PRAMEF11: variants seen among roughly 807,000 people sequenced by gnomAD.
PRAMEF11 encodes the protein PRAME family member 11.
A neutral mutation model predicts 33.6 loss-of-function variants in PRAMEF11; 17 were observed. The ratio of observed to expected loss-of-function variants is 0.51; its 90% confidence interval spans 0.35 to 0.76. PRAMEF11 has a LOEUF of 0.76. Among genes scored for constraint, PRAMEF11 ranks in the 30% least tolerant of loss-of-function variants. PRAMEF11 has a pLI of 0.01. For synonymous variants in PRAMEF11, 205 were observed against 227.3 expected, an observed-to-expected ratio of 0.90 and a Z score of 0.88; for missense variants, 568 against 567.0, an observed-to-expected ratio of 1.00 and a Z score of -0.02.
In PRAMEF11 at chr1:12,828,691, C is replaced by G; in HGVS notation, c.99G>C (p.Leu33=). 6.2e-7 allele frequency: 1 copy of G among 1,610,490 alleles called. No individual in the cohort carries two copies. Among genetic ancestry groups the G allele is most frequent in the East Asian group, 2.2e-5 (1 of 44,460 alleles). ...QALAVSTLEE[L]PTELFPPLFM... The stretch of plus-strand genomic sequence containing the variant: ...ACAGTGGGGGGAAAAGTTCCGTGGG[C>G]AGCTCCTCCAGGGTGGAGACGGCCA... Residue 33 remains leucine, a synonymous_variant, in exon 2 of 4, where the codon CTG becomes CTC. Coordinates refer to ENST00000619922, the MANE Select transcript of PRAMEF11 (RefSeq NM_001146344.3).
At chr1:12,825,788 A>T (rs1413709426) in intron 3 of PRAMEF11, among the ~76,000 whole-genome samples, 1 of 150,018 alleles carries the variant, frequency 6.7e-6, no homozygotes, top group Non-Finnish European at 1.5e-5. Context: ...AGCCTGCTGA[A>T]CATGGCAAAA....
chr1:12,827,653 G>C lies in PRAMEF11; in HGVS notation c.471C>G (p.Leu157=), dbSNP rs903517417. The C allele has an allele frequency of 3.1e-6, 5 of 1,609,540 alleles. No homozygotes were observed. In the African/African-American group the frequency reaches 5.4e-5, roughly 17 times the overall value. The change falls in exon 3 of 4, where the codon CTC becomes CTG. Residue 157 remains leucine, a synonymous_variant. Transcript: ENST00000619922. ...QPLTVFVELW[L]KNRTLDEYLT... ...GGTATTCATCCAGAGTCCTGTTCTT[G>C]AGCCAAAGTTCTACAAACACAGTCA... is the stretch of plus-strand genomic sequence containing the variant.
chr1:12,828,448 T>A (rs1231569923), intron 2 of PRAMEF11, 49 bp downstream of exon 2: 1 of 1,563,466 alleles, frequency 6.4e-7, no homozygotes, highest in Admixed American at 1.8e-5. Context: ...AGCTGTTCCT[T>A]CAGTTGGACA....
rs1430107159 is a variant in PRAMEF11, at chr1:12,828,499, G to A, written c.291C>T (p.Pro97=). Reference sequence around the variant, plus strand: ...CCAGCCCACCTGGGCCACCTCACCTGGGACGAACCCCTTGGGTAAGCAGTG... The same window carrying A: ...CCAGCCCACCTGGGCCACCTCACCTAGGACGAACCCCTTGGGTAAGCAGTG... The part of the protein sequence containing the change: ...LDALLTQGVR[P]RRWKLQVLDL... Residue 97 remains proline (P), a splice_region_variant and synonymous_variant, in exon 2 of 4, where the codon CCC becomes CCT. Coordinates refer to ENST00000619922, the MANE Select transcript of PRAMEF11 (RefSeq NM_001146344.3). 6 of 1,597,766 alleles carry A rather than the reference G, an allele frequency of 3.8e-6. No individual in the cohort carries two copies. Among genetic ancestry groups the A allele is most frequent in the Admixed American group, 1.7e-5 (1 of 58,504 alleles).
Position 12,825,020 on chromosome 1 carries a change from G to A in PRAMEF11, c.1359C>T (p.Ile453=), listed in dbSNP as rs754320085. 1.2e-5 allele frequency: 20 copies of A among 1,609,710 alleles called. 1 individual carries two copies. The Admixed American group carries it at 3.4e-4, about 27-fold the overall frequency. Residue 453 remains isoleucine (I), a synonymous_variant, in exon 4 of 4, where the codon ATC becomes ATT. Transcript: ENST00000619922. ...KVRHLRHPKR[I]LFCTDNCPDH... Reference sequence around the variant, plus strand: ...CAGGGCAGTTGTCAGTACAGAACAAGATCCTCTTGGGGTGCCTTAAGTGCC... The same window carrying A: ...CAGGGCAGTTGTCAGTACAGAACAAAATCCTCTTGGGGTGCCTTAAGTGCC...
chr1:12,825,542 T>C (rs1432941232), intron 3 of PRAMEF11, 39 bp from the exon 4 acceptor site: 5 of 640,190 alleles, frequency 7.8e-6, no homozygotes, highest in East Asian at 2.8e-5. Flanking sequence ...TGGGGAATCA[T>C]AGGGGTGAGT....
At chr1:12,830,800 C>A (rs1262528983) in intron 1 of PRAMEF11, among the ~76,000 whole-genome samples, 8 of 150,530 alleles carry the variant, frequency 5.3e-5, no homozygotes, top group African/African-American at 9.8e-5. Flanking sequence ...ACCAACCTGG[C>A]CAGCATGGTG....
rs756964557 is a variant in PRAMEF11 at position 12,825,259 on chromosome 1, G to A, written c.1120C>T (p.Pro374Ser). Residue 374 changes from proline to serine, a missense_variant, in exon 4 of 4, where the codon CCT becomes TCT. By Grantham distance (74) the Pro-to-Ser change is moderately conservative. This residue lies in a region of PRAMEF11 where 174 missense variants were observed against 127.2 expected (regional missense o/e 1.37). Transcript: ENST00000619922. ...IIDSQVNAIL[P>S]ALSRCFELNT... is the part of the protein sequence containing the mutation. ...AGCTCAAAGCAGCGGCTCAGGGCAG[G>A]CAGGATGGCGTTGACTTGGGAGTCT... 7 of 1,606,084 alleles carry A rather than the reference G, an allele frequency of 4.4e-6. No homozygotes were observed. The highest frequency in any genetic ancestry group is 3.4e-5 in the Admixed American group (2 of 59,344).
In PRAMEF11 at chr1:12,825,228, G is replaced by C; in HGVS notation, c.1151C>G (p.Thr384Ser). The part of the protein sequence containing the change: ...PALSRCFELN[T>S]FSFCGNPICM... ...GATGGGATTTCCACAGAAGCTGAAG[G>C]TGTTGAGCTCAAAGCAGCGGCTCAG... Residue 384 changes from threonine (T) to serine (S), a missense_variant, in exon 4 of 4, where the codon ACC becomes AGC. By Grantham distance (58) the Thr-to-Ser change is moderately conservative. Coordinates refer to ENST00000619922, the MANE Select transcript of PRAMEF11 (RefSeq NM_001146344.3). 1 of 1,607,220 alleles carries C rather than the reference G, an allele frequency of 6.2e-7. No individual in the cohort carries two copies. Among genetic ancestry groups the C allele is most frequent in the South Asian group, 1.1e-5 (1 of 90,332 alleles).
At chr1:12,829,587 T>C (rs1639963939) in intron 1 of PRAMEF11, among the ~76,000 whole-genome samples, 1 of 151,298 alleles carries the variant, frequency 6.6e-6, no homozygotes, top group Non-Finnish European at 1.5e-5. Flanking sequence ...TTTTGACTTT[T>C]TGTAAAGACA....
rs371651574 is a variant in PRAMEF11, at chr1:12,825,111, C to G, written c.1268G>C (p.Gly423Ala). Residue 423 changes from glycine (G) to alanine (A), a missense_variant, in exon 4 of 4, where the codon GGT becomes GCT. By Grantham distance (60) the Gly-to-Ala change is moderately conservative. Transcript: ENST00000619922. The part of the protein sequence containing the change: ...ELYPAPQESY[G>A]ADGTLCWSRF... The stretch of plus-strand genomic sequence containing the variant: ...GCTCCAGCAGAGAGTACCATCAGCA[C>G]CATAACTTTCCTGCGGGGCAGGATA... 93 of 1,609,632 alleles carry G rather than the reference C, an allele frequency of 5.8e-5. 3 individuals are homozygous for G. The African/African-American group carries it at 9.9e-4, about 17-fold the overall frequency.
Position 12,824,656 on chromosome 1 carries a change from T to A in PRAMEF11, c.*286A>T. ...CTGATTGTTTCTTTACAACCATCCA[T>A]GCAAGAGTAACTCCCTCATGTATTC... On this transcript the variant is annotated 3_prime_UTR_variant, in exon 4 of 4. Transcript: ENST00000619922. 1 of 432,728 alleles carries A rather than the reference T, an allele frequency of 2.3e-6. No individual in the cohort carries two copies. The highest frequency in any genetic ancestry group is 4.6e-5 in the East Asian group (1 of 21,556). The allele number at this position is 432,728 out of a possible 1,614,324, so 26.8% of individuals were successfully genotyped here.
At chr1:12,828,346 A>C (rs1455523358) in intron 2 of PRAMEF11, 151 bp downstream of exon 2, 1 of 1,401,904 alleles carries the variant, frequency 7.1e-7, no homozygotes, top group Admixed American at 2.2e-5. Flanking sequence ...CCTGGTGAGC[A>C]GTGCTTTCCC....
chr1:12,825,903 G>A (rs545115708), intron 3 of PRAMEF11, among the ~76,000 whole-genome samples: 3,455 of 150,172 alleles, frequency 0.023, 143 homozygotes, highest in African/African-American at 0.08. Flanking sequence ...GAACCCAGGA[G>A]GTGTAGGTTG....
chr1:12,830,325 T>A (rs1639979096), intron 1 of PRAMEF11, among the ~76,000 whole-genome samples: 1 of 151,168 alleles, frequency 6.6e-6, no homozygotes, highest in Non-Finnish European at 1.5e-5. Flanking sequence ...TCTCACTTCA[T>A]CGGCCAGGCT....
At position 12,827,714 on chromosome 1, in the gene PRAMEF11, A is replaced by C. The variant is rs1423191341; in HGVS notation, c.410T>G (p.Val137Gly). 6.2e-7 allele frequency: 1 copy of C among 1,610,068 alleles called. No homozygotes were observed. The change falls in exon 3 of 4, where the codon GTG becomes GGG. Residue 137 changes from valine (V) to glycine (G), a missense_variant. Coordinates refer to ENST00000619922, the MANE Select transcript of PRAMEF11 (RefSeq NM_001146344.3). ...TCCTCTCATCCTTGGACAGTCCTGC[A>C]CTGGTTTTTTGTTCCTCTTGGCATT... ...FLNAKRNKKP[V>G]QDCPRMRGRQ... is the part of the protein sequence containing the mutation.
At chr1:12,831,036 T>G (rs1470548421) in intron 1 of PRAMEF11, among the ~76,000 whole-genome samples, 5 of 148,770 alleles carry the variant, frequency 3.4e-5, no homozygotes, top group African/African-American at 1.2e-4. Context: ...GGAGGGCTTT[T>G]GTCATGTTGC....
rs1402050135 is a variant in PRAMEF11 at position 12,827,967 on chromosome 1, G to A, written c.294-137C>T. The A allele has an allele frequency of 3.4e-6, 5 of 1,473,368 alleles. No individual in the cohort carries two copies. The South Asian group carries it at 3.9e-5, about 11-fold the overall frequency. The allele number at this position is 1,473,368 out of a possible 1,614,324, so 91.3% of individuals were successfully genotyped here. A position where few individuals can be genotyped will look rare whatever the true frequency, so the allele number is the denominator to read the frequency against. Reference sequence around the variant, plus strand: ...TTTTCTTCACCCTGTTTTCCCCTTGGATCCTACCCACTTCCACATTTTTTT... The same window carrying A: ...TTTTCTTCACCCTGTTTTCCCCTTGAATCCTACCCACTTCCACATTTTTTT... On this transcript the variant is annotated intron_variant, in intron 2 of 3. Coordinates refer to ENST00000619922, the MANE Select transcript of PRAMEF11 (RefSeq NM_001146344.3).
chr1:12,826,626 G>C (rs1349393174), intron 3 of PRAMEF11, among the ~76,000 whole-genome samples: 5 of 151,132 alleles, frequency 3.3e-5, no homozygotes, highest in Admixed American at 2.0e-4. Flanking sequence ...GCCAGGTGTG[G>C]TGGCCCACGC....
Sources: gnomAD v4.1 joint callset for allele counts (sites outside exome capture counted in the v4.1 genomes callset) on GRCh38, gnomAD v4.1.1 for gene constraint, gnomAD v4.1.1 regional missense constraint, MANE v1.5 for transcripts, NCBI Gene and HGNC (gene_info 2026-07-23, HGNC 2026-07-21) for gene names.